OARD1: variants seen among roughly 807,000 people sequenced by gnomAD.
The protein encoded by OARD1 is ADP-ribose glycohydrolase OARD1.
In OARD1, 19 loss-of-function variants were observed where a neutral mutation model predicts 19.7. The ratio of observed to expected loss-of-function variants is 0.96; its 90% CI spans 0.67 to 1.41. OARD1 has a LOEUF of 1.41. OARD1 is among the 40% of genes most tolerant of loss of function. The pLI is 0.00. For synonymous variants in OARD1, 70 were observed against 61.8 expected, an observed-to-expected ratio of 1.13 and a Z score of -0.62; for missense variants, 190 against 183.8, an observed-to-expected ratio of 1.03 and a Z score of -0.20.
intron 3 of OARD1, 78 bp from the exon 4 acceptor site, chr6:41,070,212 G>C: frequency 1.2e-6 from 1 of 834,544 alleles, no homozygotes; most frequent in South Asian, 1.5e-5. Context: ...AATGTTTACA[G>C]ATCTGAGTTT....
intron 1 of OARD1, among the ~76,000 whole-genome samples, chr6:41,078,614 A>G (rs1297409317): frequency 6.6e-6 from 1 of 152,206 alleles, no homozygotes; most frequent in Non-Finnish European, 1.5e-5. Flanking sequence ...AATTTTGCCT[A>G]CCATATGTAG....
intron 1 of OARD1, chr6:41,091,510 T>C: frequency 6.2e-7 from 1 of 1,612,484 alleles, no homozygotes. Flanking sequence ...GTTTGTTTTA[T>C]GTTTTGTTTT....
chr6:41,084,836 C>T (rs1485029511), intron 1 of OARD1, among the ~76,000 whole-genome samples: 3 of 152,138 alleles, frequency 2.0e-5, no homozygotes, highest in Non-Finnish European at 4.4e-5. Context: ...GTGGCACGCA[C>T]CTGTAATCCC....
chr6:41,078,392 G>T (rs548576691), intron 1 of OARD1, among the ~76,000 whole-genome samples: 11 of 152,242 alleles, frequency 7.2e-5, no homozygotes, highest in Admixed American at 2.6e-4. Flanking sequence ...AGGGCCTAGT[G>T]AAAAATCAGA....
At position 41,084,259 on chromosome 6, in the gene OARD1, A is replaced by G. The variant is rs1763983023; in HGVS notation, c.-41-12584T>C. 1.2e-5 allele frequency: 18 copies of G among 1,545,062 alleles called. No individual in the cohort carries two copies. The South Asian group carries it at 1.8e-4, about 16-fold the overall frequency. ...AGGTTTCAAAGAATAGATTATTACA[A>G]CCTATTTGATAATTGATATTGCATT... On this transcript the variant is annotated intron_variant, in intron 1 of 4. Transcript: ENST00000480585.
intron 1 of OARD1, chr6:41,080,726 T>G (rs1282753291): frequency 1.8e-6 from 2 of 1,120,034 alleles, no homozygotes; most frequent in Non-Finnish European, 2.7e-6. Context: ...TCCGTCTCTC[T>G]CCTCCAAGAG....
At chr6:41,074,180 T>C (rs1373181051), upstream of OARD1, among the ~76,000 whole-genome samples, 3 of 152,330 alleles carry the variant, frequency 2.0e-5, no homozygotes, top group East Asian at 5.8e-4. Context: ...TCCACTCATC[T>C]CTTGGTTTAT....
At chr6:41,084,263 A>G (rs6908595) in intron 1 of OARD1, 1,514,543 of 1,517,062 alleles carry the variant, frequency 1, 756,019 homozygotes, top group Middle Eastern at 1. Flanking sequence ...ATTACAACCT[A>G]TTTGATAATT....
intron 1 of OARD1, among the ~76,000 whole-genome samples, chr6:41,087,918 T>G (rs1764090333): frequency 6.6e-6 from 1 of 152,150 alleles, no homozygotes; most frequent in Non-Finnish European, 1.5e-5. Context: ...ACACGATCCC[T>G]TGCTTTCCAT....
chr6:41,074,174 CTCATCTCT>C (rs1763659791), upstream of OARD1, among the ~76,000 whole-genome samples: 1 of 152,144 alleles, frequency 6.6e-6, no homozygotes, highest in South Asian at 2.1e-4. Context: ...ACCCAGTCCA[CTCATCTCT>C]TGGTTTATGT....
intron 1 of OARD1, among the ~76,000 whole-genome samples, chr6:41,083,088 AAGAT>A (rs1357208117): frequency 1.3e-5 from 2 of 152,254 alleles, no homozygotes; most frequent in African/African-American, 2.4e-5. Context: ...ATTTCTGTCA[AAGAT>A]AGAGTCTGAA....
chr6:41,078,756 C>T (rs1426281399), intron 1 of OARD1, among the ~76,000 whole-genome samples: 1 of 152,098 alleles, frequency 6.6e-6, no homozygotes, highest in Non-Finnish European at 1.5e-5. Flanking sequence ...TGTAGCTTAA[C>T]GAGTATCTCT....
At chr6:41,074,494 G>T (rs1180844556), upstream of OARD1, among the ~76,000 whole-genome samples, 1 of 152,208 alleles carries the variant, frequency 6.6e-6, no homozygotes, top group Admixed American at 6.5e-5. Context: ...TCCGTGAAAG[G>T]CTTATCACCA....
upstream of OARD1, chr6:41,072,866 G>A (rs1176051680): frequency 6.5e-6 from 1 of 153,090 alleles, no homozygotes; most frequent in African/African-American, 2.4e-5. Flanking sequence ...CTCCTCCGAA[G>A]GGGTGGGGCG....
chr6:41,097,298 C>T, intron 1 of OARD1: 2 of 1,496,914 alleles, frequency 1.3e-6, no homozygotes, highest in Non-Finnish European at 1.9e-6. Context: ...GTAGTGAGAG[C>T]CATGAGTTCC....
intron 3 of OARD1, chr6:41,070,832 G>C (rs953559477): frequency 1.8e-6 from 1 of 570,652 alleles, no homozygotes; most frequent in African/African-American, 1.9e-5. Flanking sequence ...ATATTGGTAA[G>C]TAAAGGATCT....
intron 1 of OARD1, among the ~76,000 whole-genome samples, chr6:41,093,924 G>A (rs1764272511): frequency 1.3e-5 from 2 of 152,182 alleles, no homozygotes; most frequent in African/African-American, 4.8e-5. Flanking sequence ...GAAGGCAGAG[G>A]CAGGAGGATC....
chr6:41,090,476 C>T (rs1463111707), intron 1 of OARD1, among the ~76,000 whole-genome samples: 1 of 151,948 alleles, frequency 6.6e-6, no homozygotes, highest in African/African-American at 2.4e-5. Context: ...TTCTTGTCAC[C>T]ATCTGTGACC....
chr6:41,097,546 G>A (rs1400058369), intron 1 of OARD1: 2 of 852,298 alleles, frequency 2.3e-6, no homozygotes, highest in Non-Finnish European at 3.7e-6. Flanking sequence ...TTTTTAATAA[G>A]TGGCTCAGTA....
Sources: allele counts gnomAD v4.1 joint callset (sites outside exome capture counted in the v4.1 genomes callset), GRCh38; gene constraint gnomAD v4.1.1; transcripts MANE v1.5; gene names NCBI Gene and HGNC (gene_info 2026-07-23, HGNC 2026-07-21).